SLITRK3: variants seen among roughly 807,000 people sequenced by gnomAD.
SLITRK3 encodes the protein SLIT and NTRK-like protein 3.
SLITRK3 carries 16 observed loss-of-function variants against 63.6 expected under a neutral mutation model. The observed-to-expected ratio is 0.25, with a 90% CI of 0.17 to 0.38. The LOEUF is 0.38. Ranked by LOEUF, SLITRK3 falls within the 10% of genes least tolerant of loss-of-function variation. SLITRK3 has a pLI of 1.00. For synonymous variants in SLITRK3, 547 were observed against 451.6 expected (o/e 1.21, Z -2.68); for missense variants, 1,117 against 1,181.4 (o/e 0.95, Z 0.80).
rs999460235 is a variant in SLITRK3 at position 165,187,134 on chromosome 3, G to C, written c.*763C>G. On this transcript the variant is annotated 3_prime_UTR_variant, in exon 2 of 2. Transcript: ENST00000475390. Reference sequence around the variant, plus strand: ...CTGTGAGCTGTACACTAGCAGTGAAGGGTGGTAGAACTATGGAGAGGAGAA... The same window carrying C: ...CTGTGAGCTGTACACTAGCAGTGAACGGTGGTAGAACTATGGAGAGGAGAA... 3 of 152,666 alleles carry C rather than the reference G, an allele frequency of 2.0e-5. No homozygotes were observed. Among genetic ancestry groups the C allele is most frequent in the Non-Finnish European group, 4.4e-5 (3 of 68,260 alleles). The allele number at this position is 152,666 out of a possible 1,614,324, so 9.5% of individuals were successfully genotyped here. A position where few individuals can be genotyped will look rare whatever the true frequency, so the allele number is the denominator to read the frequency against.
chr3:165,190,936 A>C, intron 1 of SLITRK3, 85 bp from the exon 2 acceptor site: 1 of 977,220 alleles, frequency 1.0e-6, no homozygotes, highest in African/African-American at 1.6e-5. Flanking sequence ...GCATTTTAAG[A>C]GCTATATAAA....
intron 1 of SLITRK3, among the ~76,000 whole-genome samples, chr3:165,191,740 C>T (rs1294516641): frequency 1.3e-5 from 2 of 152,174 alleles, no homozygotes; most frequent in African/African-American, 4.8e-5. Context: ...GTATCTGCGC[C>T]TTCAAGATCA....
rs1718012778 is a variant in SLITRK3 at position 165,187,879 on chromosome 3, T to C, written c.*18A>G. The C allele has an allele frequency of 4.5e-6, 7 of 1,545,496 alleles. No individual in the cohort carries two copies. Among genetic ancestry groups the C allele is most frequent in the Non-Finnish European group, 6.1e-6 (7 of 1,143,602 alleles). ...TCTTTTGAAAAAAAAAAAGCACTAATATATTTTCTTCTCTCTGTTAGAACC... is the reference window on the plus strand; with the variant it reads ...TCTTTTGAAAAAAAAAAAGCACTAACATATTTTCTTCTCTCTGTTAGAACC... On this transcript the variant is annotated 3_prime_UTR_variant, in exon 2 of 2. Coordinates refer to ENST00000475390, the MANE Select transcript of SLITRK3 (RefSeq NM_001318810.2).
At position 165,188,758 on chromosome 3, in the gene SLITRK3, C is replaced by G; in HGVS notation, c.2073G>C (p.Lys691Asn). Residue 691 changes from lysine to asparagine, a missense_variant, in exon 2 of 2, where the codon AAG (lysine) becomes AAC (asparagine). This residue lies in a region of SLITRK3 where 499 missense variants were observed against 463.6 expected (regional missense o/e 1.08). Coordinates refer to ENST00000475390, the MANE Select transcript of SLITRK3 (RefSeq NM_001318810.2). ...CAGTAAGGTCCACACCTTCCTGCCG[C>G]TTGCTTCTGAAGGGCAGCTTCTTTC... ...RRRKKLPFRS[K>N]RQEGVDLTGI... 6.2e-7 allele frequency: 1 copy of G among 1,614,180 alleles called. No individual in the cohort carries two copies. The highest frequency in any genetic ancestry group is 1.7e-5 in the Admixed American group (1 of 60,026).
upstream of SLITRK3, chr3:165,197,051 G>A (rs932243889): frequency 1.3e-5 from 2 of 151,994 alleles, no homozygotes; most frequent in African/African-American, 4.8e-5. Context: ...CTCTTCAAGA[G>A]ACACCCTGTG....
Position 165,188,745 on chromosome 3 carries a change from C to T in SLITRK3, c.2086G>A (p.Val696Met), listed in dbSNP as rs773284273. ...LPFRSKRQEG[V>M]DLTGIQMQCH... ...TGCATTTGGATGCCAGTAAGGTCCA[C>T]ACCTTCCTGCCGCTTGCTTCTGAAG... Residue 696 changes from valine (V) to methionine (M), a missense_variant, in exon 2 of 2, where the codon GTG becomes ATG. Physicochemically the swap from Val to Met is conservative, Grantham distance 21. Transcript: ENST00000475390. The T allele has an allele frequency of 1.2e-6, 2 of 1,614,202 alleles. No homozygotes were observed. Among genetic ancestry groups the T allele is most frequent in the Non-Finnish European group, 1.7e-6 (2 of 1,180,042 alleles).
At chr3:165,191,014 CTA>C (rs1718204583) in intron 1 of SLITRK3, among the ~76,000 whole-genome samples, 163 bp from the exon 2 acceptor site, 1 of 152,154 alleles carries the variant, frequency 6.6e-6, no homozygotes, top group Non-Finnish European at 1.5e-5. Context: ...AGAGTGTGTC[CTA>C]TATTTTAAAC....
chr3:165,191,761 C>A (rs954695375), intron 1 of SLITRK3, among the ~76,000 whole-genome samples: 1 of 152,028 alleles, frequency 6.6e-6, no homozygotes, highest in African/African-American at 2.4e-5. Flanking sequence ...ACTGAGGAAC[C>A]CTGTAAAAAG....
Position 165,190,765 on chromosome 3 carries a change from T to A in SLITRK3, c.66A>T (p.Thr22=), listed in dbSNP as rs909404039. ...TCGGGGTAGTCCATCCTAGAGCAAT[T>A]GTGCTTAGAAGAATTATCCACAACA... The part of the protein sequence containing the change: ...GRMLWIILLS[T]IALGWTTPIP... The change falls in exon 2 of 2, where the codon ACA becomes ACT. Residue 22 remains threonine, a synonymous_variant. Transcript: ENST00000475390. 3.1e-6 allele frequency: 5 copies of A among 1,613,258 alleles called. No individual in the cohort carries two copies. The highest frequency in any genetic ancestry group is 2.2e-5 in the East Asian group (1 of 44,852).
rs1179265129 is a variant in SLITRK3 at position 165,188,263 on chromosome 3, G to A, written c.2568C>T (p.Asp856=). ...VSGVVGGTGG[D]LAGFRHHEKN... is the part of the protein sequence containing the mutation. Reference sequence around the variant, plus strand: ...TCTCATGGTGGCGGAACCCTGCCAAGTCTCCCCCAGTTCCCCCAACTACTC... The same window carrying A: ...TCTCATGGTGGCGGAACCCTGCCAAATCTCCCCCAGTTCCCCCAACTACTC... The change falls in exon 2 of 2, where the codon GAC becomes GAT. Residue 856 remains aspartate, a synonymous_variant. Coordinates refer to ENST00000475390, the MANE Select transcript of SLITRK3 (RefSeq NM_001318810.2). The A allele has an allele frequency of 2.5e-6, 4 of 1,613,700 alleles. No homozygotes were observed. In the Middle Eastern group the frequency reaches 4.9e-4, roughly 200 times the overall value.
At position 165,193,386 on chromosome 3, in the gene SLITRK3, C is replaced by T. The variant is rs565674108; in HGVS notation, c.-22+2194G>A. On this transcript the variant is annotated intron_variant, in intron 1 of 1. Transcript: ENST00000475390. The stretch of plus-strand genomic sequence containing the variant: ...GTTTCCAAAGCTCATCTCTCTAGTG[C>T]AGGTGGTTTGAAAAGTGAGACTATC... 8.6e-5 allele frequency among the ~76,000 whole-genome samples: 13 copies of T among 151,696 alleles called. No homozygotes were observed. The South Asian group carries it at 2.5e-3, about 29-fold the overall frequency.
At position 165,188,841 on chromosome 3, in the gene SLITRK3, ACAGAACCAG is replaced by A; in HGVS notation, c.1981_1989del (p.Leu661_Leu663del). 2.5e-6 allele frequency: 4 copies of A among 1,614,076 alleles called. No individual in the cohort carries two copies. The highest frequency in any genetic ancestry group is 3.4e-6 in the Non-Finnish European group (4 of 1,180,004). On this transcript the variant is annotated inframe_deletion, in exon 2 of 2. Coordinates refer to ENST00000475390, the MANE Select transcript of SLITRK3 (RefSeq NM_001318810.2). Reference sequence around the variant, plus strand: ...GCAGCAACAAAGACTGCTGAGAAAAACAGAACCAGCAGGCTGAGAATTAACACAGAAAGT... The same window carrying A: ...GCAGCAACAAAGACTGCTGAGAAAAACAGGCTGAGAATTAACACAGAAAGT...
rs142562211 is a variant in SLITRK3 at position 165,188,025 on chromosome 3, G to C, written c.2806C>G (p.Leu936Val). 1.2e-5 allele frequency: 20 copies of C among 1,614,002 alleles called. No homozygotes were observed. The African/African-American group carries it at 2.0e-4, about 16-fold the overall frequency. ...GTGAAGCCCTTTCCAGCCGAGAAGAGAAGGGTTTCTTTGAGCCTGGCATCC... is the reference window on the plus strand; with the variant it reads ...GTGAAGCCCTTTCCAGCCGAGAAGACAAGGGTTTCTTTGAGCCTGGCATCC... ...QQDARLKETL[L>V]FSAGKGFTDH... is the part of the protein sequence containing the mutation. Residue 936 changes from leucine to valine, a missense_variant, in exon 2 of 2, where the codon CTC (leucine) becomes GTC (valine). Around this residue, in one of 4 missense-constraint regions of SLITRK3, gnomAD observed 499 missense variants for 463.6 expected, o/e 1.08. Coordinates refer to ENST00000475390, the MANE Select transcript of SLITRK3 (RefSeq NM_001318810.2).
rs201427703 is a variant in SLITRK3 at position 165,188,702 on chromosome 3, T to G, written c.2129A>C (p.Glu710Ala). 1 of 1,614,074 alleles carries G rather than the reference T, an allele frequency of 6.2e-7. No homozygotes were observed. Among genetic ancestry groups the G allele is most frequent in the Non-Finnish European group, 8.5e-7 (1 of 1,180,002 alleles). Residue 710 changes from glutamate (E) to alanine (A), a missense_variant, in exon 2 of 2, where the codon GAG (glutamate) becomes GCG (alanine). Glu to Ala is a moderately radical substitution (Grantham distance 107, BLOSUM62 -1). This residue lies in a region of SLITRK3 where 499 missense variants were observed against 463.6 expected (regional missense o/e 1.08). Transcript: ENST00000475390. ...GIQMQCHRLF[E>A]DGGGGGGGSG... ...TCCGCCACCACCACCTCCACCATCC[T>G]CAAACAGCCTGTGGCATTGCATTTG...
In SLITRK3 at chr3:165,188,303, A is replaced by C; in HGVS notation, c.2528T>G (p.Val843Gly). ...CCCAACTACTCCTGAAACCCCACCA[A>C]CTGCTGGGTGGTGAGGGTGATGGTG... ...VNHHHPHHPA[V>G]GGVSGVVGGT... Residue 843 changes from valine (V) to glycine (G), a missense_variant, in exon 2 of 2, where the codon GTT becomes GGT. Around this residue, in one of 4 missense-constraint regions of SLITRK3, gnomAD observed 499 missense variants for 463.6 expected, o/e 1.08. Coordinates refer to ENST00000475390, the MANE Select transcript of SLITRK3 (RefSeq NM_001318810.2). 1 of 1,613,508 alleles carries C rather than the reference A, an allele frequency of 6.2e-7. No homozygotes were observed. The highest frequency in any genetic ancestry group is 8.5e-7 in the Non-Finnish European group (1 of 1,179,828).
Position 165,188,231 on chromosome 3 carries a change from C to A in SLITRK3, c.2600G>T (p.Gly867Val). Reference sequence around the variant, plus strand: ...CCCAGGAGGAAACAGCACCACCCCACCATTTTTCTCATGGTGGCGGAACCC... The same window carrying A: ...CCCAGGAGGAAACAGCACCACCCCAACATTTTTCTCATGGTGGCGGAACCC... ...LAGFRHHEKN[G>V]GVVLFPPGGG... The change falls in exon 2 of 2, where the codon GGT becomes GTT. Residue 867 changes from glycine to valine, a missense_variant. Physicochemically the swap from Gly to Val is moderately radical, Grantham distance 109 (BLOSUM62 -3). This residue lies in a region of SLITRK3 where 499 missense variants were observed against 463.6 expected (regional missense o/e 1.08). Coordinates refer to ENST00000475390, the MANE Select transcript of SLITRK3 (RefSeq NM_001318810.2). 1 of 1,613,700 alleles carries A rather than the reference C, an allele frequency of 6.2e-7. No individual in the cohort carries two copies. Among genetic ancestry groups the A allele is most frequent in the Non-Finnish European group, 8.5e-7 (1 of 1,179,918 alleles).
rs1419332267 is a variant in SLITRK3, at chr3:165,188,855, C to A, written c.1976G>T (p.Ser659Ile). ...GPVPLSVLIL[S>I]LLVLFFSAVF... ...TGCTGAGAAAAACAGAACCAGCAGGCTGAGAATTAACACAGAAAGTGGCAC... is the reference window on the plus strand; with the variant it reads ...TGCTGAGAAAAACAGAACCAGCAGGATGAGAATTAACACAGAAAGTGGCAC... Residue 659 changes from serine to isoleucine, a missense_variant, in exon 2 of 2, where the codon AGC (serine) becomes ATC (isoleucine). By Grantham distance (142) the Ser-to-Ile change is moderately radical (BLOSUM62 -2). This residue lies in a region of SLITRK3 where 499 missense variants were observed against 463.6 expected (regional missense o/e 1.08). Transcript: ENST00000475390. 2 of 1,614,116 alleles carry A rather than the reference C, an allele frequency of 1.2e-6. No homozygotes were observed. Among genetic ancestry groups the A allele is most frequent in the Non-Finnish European group, 8.5e-7 (1 of 1,180,006 alleles).
chr3:165,189,854 T>C lies in SLITRK3; in HGVS notation c.977A>G (p.Tyr326Cys). 6.2e-7 allele frequency: 1 copy of C among 1,614,146 alleles called. No homozygotes were observed. The highest frequency in any genetic ancestry group is 8.5e-7 in the Non-Finnish European group (1 of 1,180,028). Reference protein sequence around the residue: ...SVHFTASSVEYKSSNKQPKPT... With the variant: ...SVHFTASSVECKSSNKQPKPT... ...CTTAGGCTGTTTATTTGAGGACTTG[T>C]ATTCGACAGAAGAAGCAGTAAAATG... is the stretch of plus-strand genomic sequence containing the variant. Residue 326 changes from tyrosine (Y) to cysteine (C), a missense_variant, in exon 2 of 2, where the codon TAC becomes TGC. This residue lies in a region of SLITRK3 where 452 missense variants were observed against 495.3 expected (regional missense o/e 0.91). Transcript: ENST00000475390. This position sits in a 1 kb window ranked among gnomAD's most constrained non-coding sequence, Gnocchi z 4.0.
chr3:165,194,579 C>G (rs2108211807), intron 1 of SLITRK3, among the ~76,000 whole-genome samples: 1 of 152,226 alleles, frequency 6.6e-6, no homozygotes, highest in South Asian at 2.1e-4. Context: ...AGAATCAGAG[C>G]AATTCCCTCT....
Sources: allele counts gnomAD v4.1 joint callset (sites outside exome capture counted in the v4.1 genomes callset), GRCh38; gene constraint gnomAD v4.1.1; regional missense constraint gnomAD v4.1.1; non-coding constraint Gnocchi (gnomAD v3.1); transcripts MANE v1.5; gene names NCBI Gene and HGNC (gene_info 2026-07-23, HGNC 2026-07-21).